TMEM132B: variants seen among roughly 807,000 people sequenced by gnomAD.
TMEM132B encodes transmembrane protein 132B.
A neutral mutation model predicts 90.8 loss-of-function variants in TMEM132B; 18 were observed. The ratio of observed to expected loss-of-function variants is 0.20; its 90% CI spans 0.14 to 0.29. The LOEUF (loss-of-function observed/expected upper bound fraction) is 0.29. Among genes scored for constraint, TMEM132B ranks in the 10% least tolerant of loss-of-function variants. The pLI is 1.00. For missense variants in TMEM132B, 1,096 were observed against 1,326.8 expected (o/e 0.83, Z 2.70); for synonymous variants, 504 against 523.3 (o/e 0.96, Z 0.50).
At chr12:125,649,688 C>G (rs1019407215) in intron 6 of TMEM132B, among the ~76,000 whole-genome samples, 2 of 152,206 alleles carry the variant, frequency 1.3e-5, no homozygotes, top group Non-Finnish European at 2.9e-5. Context: ...CCCCTTCCCC[C>G]CTTCTCCCCT....
At chr12:125,383,243 G>C (rs1878735544) in intron 2 of TMEM132B, among the ~76,000 whole-genome samples, 1 of 152,218 alleles carries the variant, frequency 6.6e-6, no homozygotes. Context: ...GACAGCCCCA[G>C]TCATCTCTGA....
In TMEM132B at chr12:125,560,831, C is replaced by CAAAAAAAAAAAAAAA. The variant is rs58083131; in HGVS notation, c.1294-23005_1294-22991dup. ...TGGGTGACAGAGCGAGACTCTGTCT[C>CAAAAAAAAAAAAAAA]AAAAAAAAAAAAAAAAAAAAAAAAA... On this transcript the variant is annotated intron_variant, in intron 4 of 8. Coordinates refer to ENST00000682704, the MANE Select transcript of TMEM132B (RefSeq NM_001366854.1). 2.1e-4 allele frequency among the ~76,000 whole-genome samples: 6 copies of CAAAAAAAAAAAAAAA among 29,258 alleles called. 2 individuals are homozygous for CAAAAAAAAAAAAAAA. The highest frequency in any genetic ancestry group is 7.4e-4 in the African/African-American group (4 of 5,402). 19.2% of individuals were successfully genotyped at this position (29,258 alleles called of 152,430 possible).
chr12:125,562,738 A>G (rs1884564040), intron 4 of TMEM132B, among the ~76,000 whole-genome samples: 1 of 152,066 alleles, frequency 6.6e-6, no homozygotes, highest in Admixed American at 6.5e-5. Flanking sequence ...ATGAGATCTG[A>G]TGGTTCTATA....
chr12:125,467,586 T>C (rs1881600544), intron 3 of TMEM132B, among the ~76,000 whole-genome samples: 1 of 152,218 alleles, frequency 6.6e-6, no homozygotes. Context: ...ATGCTTTTGT[T>C]TTGTGTAATT....
At chr12:125,543,061 A>G (rs1204206883) in intron 4 of TMEM132B, among the ~76,000 whole-genome samples, 2 of 152,216 alleles carry the variant, frequency 1.3e-5, no homozygotes, top group African/African-American at 2.4e-5. Context: ...TGTAACAGAA[A>G]GTCTAACAGT....
intron 3 of TMEM132B, among the ~76,000 whole-genome samples, chr12:125,461,951 G>C (rs1881448024): frequency 6.6e-6 from 1 of 152,176 alleles, no homozygotes; most frequent in South Asian, 2.1e-4. Context: ...AATGATTTCA[G>C]GAAAGTCTCA....
rs1280213160 is a variant in TMEM132B, at chr12:125,275,391, A to G, written c.68-74061A>G. 2.0e-5 allele frequency among the ~76,000 whole-genome samples: 3 copies of G among 152,202 alleles called. No individual in the cohort carries two copies. The East Asian group carries it at 5.8e-4, about 29-fold the overall frequency. The stretch of plus-strand genomic sequence containing the variant: ...TTTCAGGAAGTTATTGGTAGCACCC[A>G]TTATGTGTCAGGCCTGATGATCATG... On this transcript the variant is annotated intron_variant, in intron 1 of 8. Transcript: ENST00000682704.
chr12:125,198,333 C>T (rs1872975400), intron 1 of TMEM132B, among the ~76,000 whole-genome samples: 1 of 152,128 alleles, frequency 6.6e-6, no homozygotes, highest in Non-Finnish European at 1.5e-5. Flanking sequence ...GGTCCAGGGG[C>T]TTAACACTCT....
At chr12:125,314,204 G>A (rs146216976) in intron 1 of TMEM132B, among the ~76,000 whole-genome samples, 1 of 152,136 alleles carries the variant, frequency 6.6e-6, no homozygotes, top group African/African-American at 2.4e-5. Flanking sequence ...CCACGTCCCA[G>A]CCTCCAGTCC....
chr12:125,604,578 C>T (rs1885646652), intron 5 of TMEM132B, among the ~76,000 whole-genome samples: 1 of 152,106 alleles, frequency 6.6e-6, no homozygotes, highest in South Asian at 2.1e-4. Flanking sequence ...CAAACCTGCA[C>T]GTTCTGCACT....
At chr12:125,356,400 T>C (rs918151667) in intron 2 of TMEM132B, among the ~76,000 whole-genome samples, 21 of 152,354 alleles carry the variant, frequency 1.4e-4, no homozygotes, top group Non-Finnish European at 2.6e-4. Context: ...AGTGTCAACT[T>C]TGTGGTCAGG....
In TMEM132B at chr12:125,415,751, A is replaced by G; in HGVS notation, c.1106+74A>G. On this transcript the variant is annotated intron_variant, in intron 3 of 8. Coordinates refer to ENST00000682704, the MANE Select transcript of TMEM132B (RefSeq NM_001366854.1). This position sits in a 1 kb window ranked among gnomAD's most constrained non-coding sequence, Gnocchi z 5.3. The stretch of plus-strand genomic sequence containing the variant: ...TGGCTGCCAGAGCTGATAGCAAAAT[A>G]ATGTGCGTGTGGATAAAGCGATGCC... 2.6e-6 allele frequency: 4 copies of G among 1,563,344 alleles called. No individual in the cohort carries two copies. Among genetic ancestry groups the G allele is most frequent in the South Asian group, 1.2e-5 (1 of 82,538 alleles).
intron 1 of TMEM132B, among the ~76,000 whole-genome samples, chr12:125,287,170 TCCTC>T (rs1463443200): frequency 6.6e-6 from 1 of 151,976 alleles, no homozygotes; most frequent in Non-Finnish European, 1.5e-5. Flanking sequence ...CCCGACCTTT[TCCTC>T]CCTCCCTCCT....
intron 3 of TMEM132B, among the ~76,000 whole-genome samples, chr12:125,452,789 CT>C (rs1045424277): frequency 1.3e-5 from 2 of 152,106 alleles, no homozygotes; most frequent in African/African-American, 4.8e-5. Flanking sequence ...TGTGAAATCT[CT>C]TTTCGTGTCA....
At position 125,654,185 on chromosome 12, in the gene TMEM132B, G is replaced by C; in HGVS notation, c.2727G>C (p.Leu909Phe). The change falls in exon 9 of 9, where the codon TTG becomes TTC. Residue 909 changes from leucine to phenylalanine, a missense_variant. Transcript: ENST00000682704. The surrounding 1 kb of genome is among the most constrained non-coding windows in gnomAD (Gnocchi z 5.8). ...LTDLEIGMYA[L>F]LCVFCLAILV... ...ACTTGGAGATTGGCATGTATGCCTT[G>C]CTCTGCGTCTTCTGTCTGGCCATTC... The C allele has an allele frequency of 6.2e-7, 1 of 1,614,212 alleles. No homozygotes were observed. Among genetic ancestry groups the C allele is most frequent in the Non-Finnish European group, 8.5e-7 (1 of 1,180,044 alleles).
chr12:125,654,083 A>C lies in TMEM132B; in HGVS notation c.2625A>C (p.Thr875=), dbSNP rs778974551. The C allele has an allele frequency of 3.7e-6, 6 of 1,614,150 alleles. No individual in the cohort carries two copies. Among genetic ancestry groups the C allele is most frequent in the Non-Finnish European group, 5.1e-6 (6 of 1,180,032 alleles). Residue 875 remains threonine, a synonymous_variant, in exon 9 of 9, where the codon ACA becomes ACC. Transcript: ENST00000682704. The surrounding 1 kb of genome is among the most constrained non-coding windows in gnomAD (Gnocchi z 5.8). The stretch of plus-strand genomic sequence containing the variant: ...AAAGTGGTGGTCCAGATGCCTTTAC[A>C]AGCTTCCCCACTCAAGGGAAGTCAC... ...LLKSGGPDAF[T]SFPTQGKSPD... is the part of the protein sequence containing the mutation.
At chr12:125,559,749 A>G (rs1000615813) in intron 4 of TMEM132B, among the ~76,000 whole-genome samples, 2 of 152,158 alleles carry the variant, frequency 1.3e-5, no homozygotes, top group Admixed American at 6.5e-5. Context: ...TGCTGAAGTC[A>G]GTTATGCAGA....
At chr12:125,326,757 A>G in intron 1 of TMEM132B, 1 of 1,393,334 alleles carries the variant, frequency 7.2e-7, no homozygotes, top group Non-Finnish European at 9.7e-7. Context: ...TGTCCTATTC[A>G]GATTCTCCCT....
At chr12:125,206,314 C>A (rs1266725158) in intron 1 of TMEM132B, among the ~76,000 whole-genome samples, 1 of 152,062 alleles carries the variant, frequency 6.6e-6, no homozygotes, top group African/African-American at 2.4e-5. Context: ...TCTCAGCTCA[C>A]TGCAACCTCC....
Sources: gnomAD v4.1 joint callset for allele counts (sites outside exome capture counted in the v4.1 genomes callset) on GRCh38, gnomAD v4.1.1 for gene constraint, Gnocchi (gnomAD v3.1) non-coding constraint, MANE v1.5 for transcripts, NCBI Gene and HGNC (gene_info 2026-07-23, HGNC 2026-07-21) for gene names.